Variants in PAN3 observed in about 807,000 individuals in gnomAD.
PAN3 encodes PAN2-PAN3 deadenylation complex subunit PAN3.
A neutral mutation model predicts 96.2 loss-of-function variants in PAN3; 19 were observed. The ratio of observed to expected loss-of-function variants is 0.20; its 90% confidence interval spans 0.14 to 0.29. The LOEUF is 0.29. Among genes scored for constraint, PAN3 ranks in the 10% least tolerant of loss-of-function variants. The probability of loss-of-function intolerance (pLI) is 1.00; values close to 1 mark genes in which losing one functional copy is unlikely to be tolerated. For synonymous variants in PAN3, 433 were observed against 406.6 expected (o/e 1.06, Z -0.78); for missense variants, 882 against 1,108.1 (o/e 0.80, Z 2.90).
At chr13:28,176,157 A>G (rs771127337) in intron 2 of PAN3, among the ~76,000 whole-genome samples, 3 of 152,216 alleles carry the variant, frequency 2.0e-5, no homozygotes, top group Admixed American at 6.5e-5. Context: ...TTCATAGTCA[A>G]CGGGTACCCT....
intron 6 of PAN3, among the ~76,000 whole-genome samples, chr13:28,230,829 A>G (rs371501870): frequency 1.1e-4 from 17 of 152,334 alleles, no homozygotes; most frequent in African/African-American, 3.4e-4. Context: ...ATTTATCACT[A>G]TGAATGAAGG....
rs35542876 is a variant in PAN3 at position 28,280,555 on chromosome 13, ATTT to A, written c.2319+36_2319+38del. 4.9e-3 allele frequency: 5,525 copies of A among 1,137,522 alleles called. No individual in the cohort carries two copies. The highest frequency in any genetic ancestry group is 0.014 in the East Asian group (414 of 30,598). The allele number at this position is 1,137,522 out of a possible 1,614,324, so 70.5% of individuals were successfully genotyped here. ...GACCTTGCAAAGGTAAAGAGTGTAA[ATTT>A]TTTTTTTTTTTTTTTTTTTTTGAGA... On this transcript the variant is annotated intron_variant, in intron 16 of 18. Transcript: ENST00000380958.
At chr13:28,219,046 C>T (rs1335522643) in intron 5 of PAN3, among the ~76,000 whole-genome samples, 1 of 152,192 alleles carries the variant, frequency 6.6e-6, no homozygotes, top group African/African-American at 2.4e-5. Context: ...TAGTAAAATG[C>T]AGTGGCTGGT....
chr13:28,161,257 A>C lies in PAN3; in HGVS notation c.431-13015A>C, dbSNP rs553271625. ...CTCAGGTTTGGAGGCTGAAAGTCTA[A>C]GATCAAGGTGTTGGCTGGATTGCCT... is the stretch of plus-strand genomic sequence containing the variant. On this transcript the variant is annotated intron_variant, in intron 1 of 18. Coordinates refer to ENST00000380958, the MANE Select transcript of PAN3 (RefSeq NM_175854.8). Among the ~76,000 whole-genome samples, 17 of 152,308 alleles carry C rather than the reference A, an allele frequency of 1.1e-4. No individual in the cohort carries two copies. In the South Asian group the frequency reaches 2.3e-3, roughly 20 times the overall value.
At chr13:28,251,006 C>CTTTA (rs1164555572) in intron 6 of PAN3, among the ~76,000 whole-genome samples, 3 of 151,892 alleles carry the variant, frequency 2.0e-5, no homozygotes, top group Admixed American at 6.6e-5. Flanking sequence ...TTCCTCAGAT[C>CTTTA]TTTATTTATT....
chr13:28,220,824 T>C (rs17086395), intron 6 of PAN3, among the ~76,000 whole-genome samples: 2,863 of 152,280 alleles, frequency 0.019, 97 homozygotes, highest in African/African-American at 0.065. Flanking sequence ...CTTTCAGATA[T>C]TTGATTATAA....
intron 1 of PAN3, among the ~76,000 whole-genome samples, chr13:28,163,725 T>C (rs1348994161): frequency 3.3e-5 from 5 of 152,222 alleles, no homozygotes; most frequent in African/African-American, 1.2e-4. Flanking sequence ...ATATAATGAG[T>C]ATATCATTGT....
intron 2 of PAN3, among the ~76,000 whole-genome samples, 155 bp downstream of exon 2, chr13:28,174,548 G>T (rs998536660): frequency 4.6e-5 from 7 of 152,200 alleles, no homozygotes; most frequent in Non-Finnish European, 8.8e-5. Flanking sequence ...CTCCCATGGG[G>T]TTGGAGTTAA....
intron 18 of PAN3, 113 bp downstream of exon 18, chr13:28,288,235 C>A: frequency 1.1e-6 from 1 of 906,832 alleles, no homozygotes; most frequent in Non-Finnish European, 1.6e-6. Flanking sequence ...CTTAAAGTAG[C>A]CTGTAAGACG....
chr13:28,138,592 C>T lies in PAN3; in HGVS notation c.-66C>T. ...CACCGGCAGCGTCTTCCTTTCCTCCCCCGTCTATGGTGGTGGCGGCGGCGG... is the reference window on the plus strand; with the variant it reads ...CACCGGCAGCGTCTTCCTTTCCTCCTCCGTCTATGGTGGTGGCGGCGGCGG... On this transcript the variant is annotated 5_prime_UTR_variant, in exon 1 of 19. Coordinates refer to ENST00000380958, the MANE Select transcript of PAN3 (RefSeq NM_175854.8). 7.3e-6 allele frequency: 3 copies of T among 412,570 alleles called. No homozygotes were observed. The highest frequency in any genetic ancestry group is 4.7e-5 in the South Asian group (1 of 21,276). The allele number at this position is 412,570 out of a possible 1,614,324, so 25.6% of individuals were successfully genotyped here.
Position 28,138,705 on chromosome 13 carries a change from T to C in PAN3, c.48T>C (p.Pro16=). The C allele has an allele frequency of 1.0e-6, 1 of 990,962 alleles. No individual in the cohort carries two copies. The highest frequency in any genetic ancestry group is 1.3e-6 in the Non-Finnish European group (1 of 768,680). 61.4% of individuals were successfully genotyped at this position (990,962 alleles called of 1,614,324 possible). A position where few individuals can be genotyped will look rare whatever the true frequency, so the allele number is the denominator to read the frequency against. Residue 16 remains proline, a synonymous_variant, in exon 1 of 19, where the codon CCT becomes CCC. Transcript: ENST00000380958. ...CGCCCCCCTCGGCCGCCGCCTCCCC[T>C]TCCTCCTCCTCGCTGGCGGCGGCGG... The part of the protein sequence containing the change: ...GLPPPSAAAS[P]SSSSLAAAVA...
chr13:28,227,805 G>A (rs751055265), intron 6 of PAN3, among the ~76,000 whole-genome samples: 1 of 152,186 alleles, frequency 6.6e-6, no homozygotes, highest in East Asian at 1.9e-4. Flanking sequence ...GACTTATTCT[G>A]TGTAAATAGA....
chr13:28,260,438 C>A lies in PAN3; in HGVS notation c.1249-9C>A, dbSNP rs765532923. The stretch of plus-strand genomic sequence containing the variant: ...AGTGATTACATTTACCCCCTTCCTA[C>A]CTTTTTAGGTGTTTCCAAACTATCA... On this transcript the variant is annotated splice_polypyrimidine_tract_variant and intron_variant, in intron 7 of 18. Coordinates refer to ENST00000380958, the MANE Select transcript of PAN3 (RefSeq NM_175854.8). The A allele has an allele frequency of 6.3e-7, 1 of 1,589,776 alleles. No individual in the cohort carries two copies. Among genetic ancestry groups the A allele is most frequent in the East Asian group, 2.2e-5 (1 of 44,638 alleles).
chr13:28,288,638 A>C (rs897869246), intron 18 of PAN3, among the ~76,000 whole-genome samples: 2 of 152,148 alleles, frequency 1.3e-5, no homozygotes, highest in Non-Finnish European at 2.9e-5. Flanking sequence ...TTTTATTATG[A>C]TAAAGTATCA....
At chr13:28,213,442 G>GA (rs1200743778) in intron 5 of PAN3, among the ~76,000 whole-genome samples, 1 of 151,264 alleles carries the variant, frequency 6.6e-6, no homozygotes, top group South Asian at 2.1e-4. Flanking sequence ...ATACAGGAAG[G>GA]AAAAAAAAGT....
At chr13:28,241,844 C>G (rs920397677) in intron 6 of PAN3, among the ~76,000 whole-genome samples, 2 of 151,938 alleles carry the variant, frequency 1.3e-5, no homozygotes, top group Admixed American at 1.3e-4. Context: ...GGCAAAAGCC[C>G]CAGATATTGG....
chr13:28,206,885 T>C (rs536484297), intron 5 of PAN3, among the ~76,000 whole-genome samples: 1 of 152,218 alleles, frequency 6.6e-6, no homozygotes, highest in Admixed American at 6.5e-5. Context: ...TCCTTCCTAG[T>C]CACATTTGAC....
chr13:28,255,167 G>A (rs1225401001), intron 6 of PAN3, among the ~76,000 whole-genome samples: 1 of 152,004 alleles, frequency 6.6e-6, no homozygotes, highest in African/African-American at 2.4e-5. Flanking sequence ...ATTGTGAGGT[G>A]GCATATTATT....
intron 4 of PAN3, among the ~76,000 whole-genome samples, chr13:28,194,564 A>G (rs1237637706): frequency 1.6e-4 from 24 of 146,696 alleles, no homozygotes; most frequent in Non-Finnish European, 1.5e-5. Flanking sequence ...TCTGCCTCCC[A>G]GGTTCAAGCA....
Sources: gnomAD v4.1 joint callset for allele counts (sites outside exome capture counted in the v4.1 genomes callset) on GRCh38, gnomAD v4.1.1 for gene constraint, MANE v1.5 for transcripts, NCBI Gene and HGNC (gene_info 2026-07-23, HGNC 2026-07-21) for gene names.